The following LEMD2 variants were observed in gnomAD, a reference collection of about 807,000 sequenced individuals.
The protein encoded by LEMD2 is LEM domain-containing protein 2.
In LEMD2, 34 loss-of-function variants were observed where a neutral mutation model predicts 58.8. The observed-to-expected ratio is 0.58, with a 90% confidence interval of 0.44 to 0.77. The LOEUF (loss-of-function observed/expected upper bound fraction) is 0.77, where lower values mean the gene tolerates loss of function less well. Ranked by LOEUF, LEMD2 falls within the 30% of genes least tolerant of loss-of-function variation. The pLI is 0.00. For missense variants in LEMD2, 629 were observed against 717.9 expected, an observed-to-expected ratio of 0.88 and a Z score of 1.42; for synonymous variants, 298 against 308.9, an observed-to-expected ratio of 0.96 and a Z score of 0.37.
intron 5 of LEMD2, 170 bp downstream of exon 5, chr6:33,779,930 G>A (rs1767525813): frequency 1.7e-6 from 1 of 603,014 alleles, no homozygotes; most frequent in African/African-American, 1.9e-5. Flanking sequence ...CATTCCAAAT[G>A]CTTCTTGCTT....
At chr6:33,784,477 G>GGGGGGGGGGGGGGGGGGGGGGCCCCCC in intron 2 of LEMD2, 50 bp from the exon 3 acceptor site, 1 of 430,810 alleles carries the variant, frequency 2.3e-6, no homozygotes. Context: ...GGTGGGAGGG[G>GGGGGGGGGGGGGGGGGGGGGGCCCCCC]TCCGTCTGTC....
rs543867651 is a variant in LEMD2 at position 33,788,526 on chromosome 6, C to T, written c.591G>A (p.Arg197=). ...GCCGGCGCCCCACCTCAGGCCGGGC[C>T]CTCGCCGCGCCAGCAGGGCCCGCTC... The part of the protein sequence containing the change: ...ATRAGPAGAA[R]ARPEVGRRLE... The change falls in exon 1 of 9, where the codon AGG becomes AGA. Residue 197 remains arginine (R), a synonymous_variant. Transcript: ENST00000293760. The T allele has an allele frequency of 1.8e-4, 275 of 1,511,352 alleles. 6 individuals carry two copies. In the South Asian group the frequency reaches 3.1e-3, roughly 17 times the overall value. 93.6% of individuals were successfully genotyped at this position (1,511,352 alleles called of 1,614,324 possible). A position where few individuals can be genotyped will look rare whatever the true frequency, so the allele number is the denominator to read the frequency against.
chr6:33,773,597 G>GT (rs34234417), intron 8 of LEMD2, among the ~76,000 whole-genome samples: 18,310 of 151,466 alleles, frequency 0.12, 1,473 homozygotes, highest in Middle Eastern at 0.22. Flanking sequence ...CAGGAGGCGG[G>GT]GGGGGGGCTA....
rs1372224074 is a variant in LEMD2, at chr6:33,771,604, C to T, written c.*1024G>A. ...GTCGGGGTGCTTCTGGAGCCTGCCT[C>T]CCAGGGAGCAGGCTGAGGAGCTGGC... On this transcript the variant is annotated 3_prime_UTR_variant, in exon 9 of 9. Coordinates refer to ENST00000293760, the MANE Select transcript of LEMD2 (RefSeq NM_181336.4). 1 of 152,264 alleles carries T rather than the reference C, an allele frequency of 6.6e-6. No homozygotes were observed. Among genetic ancestry groups the T allele is most frequent in the Non-Finnish European group, 1.5e-5 (1 of 68,064 alleles). The allele number at this position is 152,264 out of a possible 1,614,324, so 9.4% of individuals were successfully genotyped here.
At chr6:33,786,397 T>C (rs1429776923) in intron 2 of LEMD2, among the ~76,000 whole-genome samples, 2 of 152,216 alleles carry the variant, frequency 1.3e-5, no homozygotes, top group South Asian at 2.1e-4. Context: ...CGCCGGCCCT[T>C]CCTCCCAGTG....
chr6:33,774,153 C>CG (rs1767374268), intron 8 of LEMD2, among the ~76,000 whole-genome samples: 2 of 150,728 alleles, frequency 1.3e-5, no homozygotes, highest in Admixed American at 1.3e-4. Context: ...ATGATGCCCA[C>CG]GTGCTAGGCA....
At chr6:33,784,986 A>C (rs898846417) in intron 2 of LEMD2, among the ~76,000 whole-genome samples, 1 of 152,208 alleles carries the variant, frequency 6.6e-6, no homozygotes, top group Non-Finnish European at 1.5e-5. Context: ...GCTACCACCT[A>C]AAGGAAACAG....
In LEMD2 at chr6:33,777,178, C is replaced by G; in HGVS notation, c.1218G>C (p.Glu406Asp). ...LLKYRWRKLEEEEQAMYEMVK... is the reference protein window; with the variant it reads ...LLKYRWRKLEDEEQAMYEMVK... ...CCATCTCATACATGGCTTGTTCCTC[C>G]TCTTCTAACTTTCGCCACCGATATT... is the stretch of plus-strand genomic sequence containing the variant. The change falls in exon 7 of 9, where the codon GAG (glutamate) becomes GAC (aspartate). Residue 406 changes from glutamate to aspartate, a missense_variant. Physicochemically the swap from Glu to Asp is conservative, Grantham distance 45. Coordinates refer to ENST00000293760, the MANE Select transcript of LEMD2 (RefSeq NM_181336.4). The G allele has an allele frequency of 6.2e-7, 1 of 1,614,166 alleles. No individual in the cohort carries two copies. The highest frequency in any genetic ancestry group is 8.5e-7 in the Non-Finnish European group (1 of 1,180,022).
Position 33,777,654 on chromosome 6 carries a change from G to A in LEMD2, c.1157-415C>T, listed in dbSNP as rs566570659. Among the ~76,000 whole-genome samples, 3 of 152,306 alleles carry A rather than the reference G, an allele frequency of 2.0e-5. 1 individual carries two copies. Among genetic ancestry groups the A allele is most frequent in the Non-Finnish European group, 4.4e-5 (3 of 68,030 alleles). On this transcript the variant is annotated intron_variant, in intron 6 of 8. Coordinates refer to ENST00000293760, the MANE Select transcript of LEMD2 (RefSeq NM_181336.4). ...GGGGAGGGAGCTGTGTGCACACTGA[G>A]GCGGTCTGTGATTTGTAGCTCCAAC...
chr6:33,781,971 TG>T (rs1767575657), intron 3 of LEMD2: 1 of 152,284 alleles, frequency 6.6e-6, no homozygotes, highest in Non-Finnish European at 1.5e-5. Flanking sequence ...GGACTTCGGG[TG>T]GCCAGTGAGT....
At chr6:33,777,488 C>T (rs938071993) in intron 6 of LEMD2, among the ~76,000 whole-genome samples, 2 of 152,244 alleles carry the variant, frequency 1.3e-5, no homozygotes, top group Admixed American at 6.5e-5. Context: ...GTCCAGATCT[C>T]GGCTCCTCCC....
chr6:33,786,617 A>C, intron 2 of LEMD2, 117 bp downstream of exon 2: 1 of 743,120 alleles, frequency 1.3e-6, no homozygotes, highest in Non-Finnish European at 2.3e-6. Context: ...TGACTCTGGT[A>C]CATTACAGGA....
At position 33,786,628 on chromosome 6, in the gene LEMD2, A is replaced by G. The variant is rs76238687; in HGVS notation, c.777+106T>C. ...AATGTGACTCTGGTACATTACAGGAAGCACTCCCTGAAAATGATCCTATTC... is the reference window on the plus strand; with the variant it reads ...AATGTGACTCTGGTACATTACAGGAGGCACTCCCTGAAAATGATCCTATTC... On this transcript the variant is annotated intron_variant, in intron 2 of 8. Transcript: ENST00000293760. 7.7e-3 allele frequency: 6,300 copies of G among 822,824 alleles called. 98 individuals are homozygous for G. Among genetic ancestry groups the G allele is most frequent in the African/African-American group, 0.044 (2,608 of 59,214 alleles). The allele number at this position is 822,824 out of a possible 1,614,324, so 51.0% of individuals were successfully genotyped here. A position where few individuals can be genotyped will look rare whatever the true frequency, so the allele number is the denominator to read the frequency against.
rs1156975534 is a variant in LEMD2 at position 33,788,658 on chromosome 6, C to A, written c.459G>T (p.Gln153His). 3 of 1,301,992 alleles carry A rather than the reference C, an allele frequency of 2.3e-6. No homozygotes were observed. 80.7% of individuals were successfully genotyped at this position (1,301,992 alleles called of 1,614,324 possible). ...AGCGGCGGGCCGCGAGACCCGGGCC[C>A]TGCGTGGCCCTGTCGGGCGTCCGGG... ...EDARTPDRAT[Q>H]GPGLAARRWW... Residue 153 changes from glutamine (Q) to histidine (H), a missense_variant, in exon 1 of 9, where the codon CAG (glutamine) becomes CAT (histidine). Around this residue, in one of 2 missense-constraint regions of LEMD2, gnomAD observed 386 missense variants for 381.1 expected, o/e 1.01. Transcript: ENST00000293760.
chr6:33,777,360 T>C lies in LEMD2; in HGVS notation c.1157-121A>G, dbSNP rs981241685. ...ACCACATGGGTTTGGGTACCTACTA[T>C]GTGTCAGGCTCAGGGCCAGCATGCG... is the stretch of plus-strand genomic sequence containing the variant. On this transcript the variant is annotated intron_variant, in intron 6 of 8. Transcript: ENST00000293760. The C allele has an allele frequency of 3.0e-5, 23 of 762,302 alleles. No homozygotes were observed. The Admixed American group carries it at 3.6e-4, about 12-fold the overall frequency. 47.2% of individuals were successfully genotyped at this position (762,302 alleles called of 1,614,324 possible). A position where few individuals can be genotyped will look rare whatever the true frequency, so the allele number is the denominator to read the frequency against.
In LEMD2 at chr6:33,789,128, CG is replaced by C. The variant is rs1432440425; in HGVS notation, c.-13del. ...GACAGGCCGGCCATGGCCAGGACGCCGCCCCCCGCCCGCCCCTGGCGCGCAC... is the reference window on the plus strand; with the variant it reads ...GACAGGCCGGCCATGGCCAGGACGCCCCCCCCGCCCGCCCCTGGCGCGCAC... On this transcript the variant is annotated 5_prime_UTR_variant, in exon 1 of 9. Coordinates refer to ENST00000293760, the MANE Select transcript of LEMD2 (RefSeq NM_181336.4). The C allele has an allele frequency of 2.0e-6, 3 of 1,490,582 alleles. No homozygotes were observed. The highest frequency in any genetic ancestry group is 2.7e-6 in the Non-Finnish European group (3 of 1,130,446). The allele number at this position is 1,490,582 out of a possible 1,614,324, so 92.3% of individuals were successfully genotyped here.
Position 33,780,197 on chromosome 6 carries a change from A to T in LEMD2, c.931-18T>A. ...GTCACATTCTGTGGGAGGGCGCGGG[A>T]GAAGGTTAGTTCGGCGTCTGGGCGG... On this transcript the variant is annotated intron_variant, in intron 4 of 8. Transcript: ENST00000293760. 1.3e-6 allele frequency: 2 copies of T among 1,573,392 alleles called. No individual in the cohort carries two copies. The highest frequency in any genetic ancestry group is 1.7e-6 in the Non-Finnish European group (2 of 1,157,528).
chr6:33,776,442 G>A (rs1767432095), intron 8 of LEMD2, among the ~76,000 whole-genome samples: 1 of 152,180 alleles, frequency 6.6e-6, no homozygotes, highest in Non-Finnish European at 1.5e-5. Context: ...TTCCCCTGCT[G>A]GCTGTGACAA....
At chr6:33,777,299 T>A in intron 6 of LEMD2, 60 bp from the exon 7 acceptor site, 2 of 1,112,268 alleles carry the variant, frequency 1.8e-6, no homozygotes, top group Non-Finnish European at 2.8e-6. Flanking sequence ...GGTCTCACCA[T>A]GGACAAGATG....
Sources: gnomAD v4.1 joint callset for allele counts (sites outside exome capture counted in the v4.1 genomes callset) on GRCh38, gnomAD v4.1.1 for gene constraint, gnomAD v4.1.1 regional missense constraint, MANE v1.5 for transcripts, NCBI Gene and HGNC (gene_info 2026-07-23, HGNC 2026-07-21) for gene names.